The following EFCAB6 variants were observed in gnomAD, a reference collection of about 807,000 sequenced individuals.
EFCAB6 encodes the protein EF-hand calcium binding domain 6, also known as EF-hand calcium-binding domain-containing protein 6.
A neutral mutation model predicts 169.8 loss-of-function variants in EFCAB6; 156 were observed. That is an observed-to-expected ratio of 0.92 (90% CI 0.81 to 1.05). The LOEUF (loss-of-function observed/expected upper bound fraction) is 1.05. EFCAB6 is among the 50% of genes least tolerant of loss of function. The pLI is 0.00. For missense variants in EFCAB6, 1,800 were observed against 1,829.1 expected (o/e 0.98, Z 0.29); for synonymous variants, 698 against 676.4 (o/e 1.03, Z -0.50).
At chr22:43,708,109 A>G (rs1283464141) in intron 10 of EFCAB6, among the ~76,000 whole-genome samples, 6 of 144,506 alleles carry the variant, frequency 4.2e-5, no homozygotes, top group Admixed American at 2.1e-4. Context: ...AAAAAAAAAA[A>G]GAAAGAAAGA....
In EFCAB6 at chr22:43,778,024, T is replaced by A. The variant is rs530513713; in HGVS notation, c.139+4156A>T. Among the ~76,000 whole-genome samples, 195 of 152,180 alleles carry A rather than the reference T, an allele frequency of 1.3e-3. 1 individual carries two copies. The highest frequency in any genetic ancestry group is 2.3e-3 in the Non-Finnish European group (158 of 68,008). ...TGAGAACAAGTAGGATAAGCTAAAA[T>A]ATATATATAGTTTTAAAACCCACCA... On this transcript the variant is annotated intron_variant, in intron 3 of 31. Transcript: ENST00000262726.
intron 24 of EFCAB6, among the ~76,000 whole-genome samples, chr22:43,585,776 C>A (rs1039270644): frequency 6.6e-6 from 1 of 152,146 alleles, no homozygotes; most frequent in African/African-American, 2.4e-5. Flanking sequence ...CTTAGGAAAA[C>A]ACCCTTATCT....
At chr22:43,725,938 C>T (rs190426505) in intron 8 of EFCAB6, among the ~76,000 whole-genome samples, 2 of 151,976 alleles carry the variant, frequency 1.3e-5, no homozygotes, top group Non-Finnish European at 2.9e-5. Context: ...TTGTATTTTA[C>T]GATGAATGCA....
chr22:43,574,941 C>T (rs1251604420), intron 26 of EFCAB6, among the ~76,000 whole-genome samples: 2 of 152,178 alleles, frequency 1.3e-5, no homozygotes. Context: ...TGTACAACCA[C>T]TTAGGAGAAT....
At chr22:43,617,153 C>T (rs532953436) in intron 20 of EFCAB6, among the ~76,000 whole-genome samples, 61 of 152,182 alleles carry the variant, frequency 4.0e-4, no homozygotes, top group Non-Finnish European at 7.3e-4. Context: ...CCAGCCAATC[C>T]CCTATGACTA....
intron 3 of EFCAB6, among the ~76,000 whole-genome samples, chr22:43,774,528 G>A (rs1448856414): frequency 6.6e-6 from 1 of 151,752 alleles, no homozygotes; most frequent in Non-Finnish European, 1.5e-5. Context: ...CCTGTGCCGG[G>A]GGCTGGGGAT....
In EFCAB6 at chr22:43,572,403, C is replaced by A. The variant is rs567833992; in HGVS notation, c.3420+3894G>T. Among the ~76,000 whole-genome samples the A allele has an allele frequency of 6.6e-6, 1 of 152,318 alleles. No individual in the cohort carries two copies. The highest frequency in any genetic ancestry group is 1.5e-5 in the Non-Finnish European group (1 of 68,030). On this transcript the variant is annotated intron_variant, in intron 26 of 31. Transcript: ENST00000262726. The surrounding 1 kb of genome is among the most constrained non-coding windows in gnomAD (Gnocchi z 4.0). ...GGGACAGCAGACATGGAGCTTCAAG[C>A]CCGGTCTTCTCCACTTGCAGGTCCT...
intron 22 of EFCAB6, among the ~76,000 whole-genome samples, chr22:43,606,272 A>G (rs1222316341): frequency 6.6e-6 from 1 of 152,236 alleles, no homozygotes; most frequent in Admixed American, 6.5e-5. Context: ...TGACAGGGAT[A>G]CAGCACTTAA....
intron 5 of EFCAB6, among the ~76,000 whole-genome samples, chr22:43,758,957 TC>T: frequency 6.6e-6 from 1 of 152,368 alleles, no homozygotes; most frequent in South Asian, 2.1e-4. Flanking sequence ...GTGCAGTGGC[TC>T]ACGCCTGTAA....
chr22:43,695,471 T>C (rs2058543909), intron 10 of EFCAB6, among the ~76,000 whole-genome samples: 2 of 151,986 alleles, frequency 1.3e-5, no homozygotes, highest in South Asian at 2.1e-4. Flanking sequence ...CAAAAACATA[T>C]ACTGACAAAC....
chr22:43,649,551 C>T (rs1290166734), intron 17 of EFCAB6, among the ~76,000 whole-genome samples: 2 of 151,830 alleles, frequency 1.3e-5, no homozygotes, highest in East Asian at 3.9e-4. Flanking sequence ...CCATTCCATA[C>T]AAATGAAAGC....
chr22:43,691,404 G>A (rs1396356707), intron 10 of EFCAB6, among the ~76,000 whole-genome samples: 1 of 151,422 alleles, frequency 6.6e-6, no homozygotes. Context: ...GCTCTTTGGG[G>A]AAAATATCAA....
intron 26 of EFCAB6, among the ~76,000 whole-genome samples, chr22:43,565,444 A>G (rs527803337): frequency 1.6e-4 from 24 of 152,346 alleles, no homozygotes; most frequent in African/African-American, 5.8e-4. Context: ...AGCTTAGAAT[A>G]CAGACAGGAC....
At chr22:43,602,724 G>C (rs1272667142) in intron 22 of EFCAB6, among the ~76,000 whole-genome samples, 1 of 151,950 alleles carries the variant, frequency 6.6e-6, no homozygotes, top group African/African-American at 2.4e-5. Flanking sequence ...GCAGCCCCCA[G>C]GGAGCAGTGC....
intron 24 of EFCAB6, among the ~76,000 whole-genome samples, chr22:43,588,290 T>C (rs1474876415): frequency 1.3e-5 from 2 of 152,222 alleles, no homozygotes; most frequent in Non-Finnish European, 2.9e-5. Flanking sequence ...ACATGAGTAA[T>C]AGTTTTAAAA....
intron 8 of EFCAB6, among the ~76,000 whole-genome samples, chr22:43,718,064 C>CCATT (rs1261449747): frequency 2.1e-3 from 5 of 2,348 alleles, no homozygotes; most frequent in African/African-American, 6.6e-3. Flanking sequence ...ATCCATCCAC[C>CCATT]CATCCATCCA....
At chr22:43,689,349 G>GCACACACA (rs3221390) in intron 10 of EFCAB6, among the ~76,000 whole-genome samples, 16,693 of 146,902 alleles carry the variant, frequency 0.11, 1,191 homozygotes, top group African/African-American at 0.2. Context: ...GAGAGCACGT[G>GCACACACA]CACACACACA....
At chr22:43,583,884 G>A (rs951801380) in intron 24 of EFCAB6, among the ~76,000 whole-genome samples, 9 of 152,022 alleles carry the variant, frequency 5.9e-5, no homozygotes, top group East Asian at 3.9e-4. Context: ...CAGCCCAAAG[G>A]GACTGAGACA....
Position 43,593,145 on chromosome 22 carries a change from G to A in EFCAB6, c.2877-2916C>T, listed in dbSNP as rs529282165. On this transcript the variant is annotated intron_variant, in intron 23 of 31. Coordinates refer to ENST00000262726, the MANE Select transcript of EFCAB6 (RefSeq NM_022785.4). ...GCAAAATTTAAAAACAGGCCATCCTGAAGGACAAGGTTGTTTGGGAATTTT... is the reference window on the plus strand; with the variant it reads ...GCAAAATTTAAAAACAGGCCATCCTAAAGGACAAGGTTGTTTGGGAATTTT... Among the ~76,000 whole-genome samples, 5 of 152,248 alleles carry A rather than the reference G, an allele frequency of 3.3e-5. No individual in the cohort carries two copies. The East Asian group carries it at 9.6e-4, about 29-fold the overall frequency.
Sources: allele counts gnomAD v4.1 joint callset (sites outside exome capture counted in the v4.1 genomes callset), GRCh38; gene constraint gnomAD v4.1.1; non-coding constraint Gnocchi (gnomAD v3.1); transcripts MANE v1.5; gene names NCBI Gene and HGNC (gene_info 2026-07-23, HGNC 2026-07-21).